Variants in SDK2 observed in about 807,000 individuals in gnomAD.
The protein encoded by SDK2 is protein sidekick-2.
SDK2 carries 105 observed loss-of-function variants against 253.9 expected under a neutral mutation model. That is an observed-to-expected ratio of 0.41 (90% CI 0.35 to 0.49). The LOEUF (loss-of-function observed/expected upper bound fraction) is 0.49, where lower values mean the gene tolerates loss of function less well. Among genes scored for constraint, SDK2 ranks in the 20% least tolerant of loss-of-function variants. The pLI, the probability that SDK2 is intolerant of heterozygous loss-of-function variation, is 0.06. For missense variants in SDK2, 2,608 were observed against 3,003.0 expected (o/e 0.87, Z 3.07); for synonymous variants, 1,249 against 1,234.9 (o/e 1.01, Z -0.24).
At chr17:73,519,949 C>T (rs2064063393) in intron 1 of SDK2, 1 of 152,210 alleles carries the variant, frequency 6.6e-6, no homozygotes, top group Non-Finnish European at 1.5e-5. Context: ...AATTGGAGTT[C>T]AATTTGCCGT....
intron 2 of SDK2, among the ~76,000 whole-genome samples, chr17:73,483,631 GTATATATATA>G (rs1167237578): frequency 5.1e-4 from 40 of 78,830 alleles, no homozygotes; most frequent in Middle Eastern, 6.5e-3. Flanking sequence ...ATATGTATAT[GTATATATATA>G]TGTGTGTGTG....
intron 3 of SDK2, among the ~76,000 whole-genome samples, chr17:73,471,571 C>T (rs1436543988): frequency 6.6e-6 from 1 of 152,128 alleles, no homozygotes; most frequent in Non-Finnish European, 1.5e-5. Flanking sequence ...GAACTCCAGC[C>T]TGGATGACAG....
chr17:73,516,080 A>G (rs1326884821), intron 1 of SDK2, among the ~76,000 whole-genome samples: 3 of 152,204 alleles, frequency 2.0e-5, no homozygotes, highest in Non-Finnish European at 4.4e-5. Context: ...AGAAGCCCGC[A>G]GTCTCTTGAA....
chr17:73,373,794 G>A (rs1283194691), intron 36 of SDK2, among the ~76,000 whole-genome samples: 2 of 152,028 alleles, frequency 1.3e-5, no homozygotes, highest in Non-Finnish European at 2.9e-5. Flanking sequence ...CTGCCGCCAT[G>A]GCCAGCTAAT....
chr17:73,457,280 TTCCTTCC>T, intron 3 of SDK2, among the ~76,000 whole-genome samples: 1 of 36,906 alleles, frequency 2.7e-5, no homozygotes, highest in East Asian at 1.0e-3. Flanking sequence ...CCTTCCTTCC[TTCCTTCC>T]CCCCTCCCTC....
intron 39 of SDK2, among the ~76,000 whole-genome samples, chr17:73,359,731 C>T (rs1213850956): frequency 2.0e-5 from 3 of 152,178 alleles, no homozygotes; most frequent in African/African-American, 4.8e-5. Flanking sequence ...CTGCAGCCTC[C>T]ACCTCCTGGG....
intron 20 of SDK2, among the ~76,000 whole-genome samples, 177 bp downstream of exon 20, chr17:73,401,477 A>G (rs2063025442): frequency 6.6e-6 from 1 of 151,884 alleles, no homozygotes; most frequent in Non-Finnish European, 1.5e-5. Context: ...GGGGCTGCAG[A>G]CTCTGGGATG....
At chr17:73,607,733 C>G (rs1237536798) in intron 1 of SDK2, among the ~76,000 whole-genome samples, 1 of 152,080 alleles carries the variant, frequency 6.6e-6, no homozygotes. Context: ...GGCTGGAAAG[C>G]AACAGAGAGT....
intron 29 of SDK2, among the ~76,000 whole-genome samples, chr17:73,388,750 C>CTCCT (rs1270914728): frequency 1.1e-5 from 1 of 92,140 alleles, no homozygotes; most frequent in Non-Finnish European, 2.7e-5. Flanking sequence ...CCTTCCCTCC[C>CTCCT]TCCTTCCTTC....
chr17:73,438,140 A>G lies in SDK2; in HGVS notation c.740T>C (p.Leu247Pro), dbSNP rs1464137079. The change falls in exon 7 of 45, where the codon CTA becomes CCA. Residue 247 changes from leucine to proline, a missense_variant. Physicochemically the swap from Leu to Pro is moderately conservative, Grantham distance 98 (BLOSUM62 -3). Transcript: ENST00000392650. ...CVANARPLIK[L>P]HIIWKKDGVL... ...CCCGTCCTTCTTCCAAATGATATGT[A>G]GCTTGATCAGGGGCCTGCAGAGGGC... 3 of 1,551,274 alleles carry G rather than the reference A, an allele frequency of 1.9e-6. No individual in the cohort carries two copies. In the African/African-American group the frequency reaches 4.1e-5, roughly 21 times the overall value.
chr17:73,450,324 C>T (rs992280688), intron 4 of SDK2, among the ~76,000 whole-genome samples: 1 of 152,232 alleles, frequency 6.6e-6, no homozygotes, highest in South Asian at 2.1e-4. Flanking sequence ...TTGAAGGATT[C>T]TGATTCCTGT....
intron 1 of SDK2, among the ~76,000 whole-genome samples, chr17:73,565,810 C>CT (rs1407623629): frequency 6.6e-6 from 1 of 151,974 alleles, no homozygotes; most frequent in Non-Finnish European, 1.5e-5. Context: ...GTTGTTTTTT[C>CT]TTTTTTTGGT....
At chr17:73,574,729 C>G (rs1343769263) in intron 1 of SDK2, among the ~76,000 whole-genome samples, 2 of 152,342 alleles carry the variant, frequency 1.3e-5, no homozygotes, top group East Asian at 3.9e-4. Flanking sequence ...TGGCCTTCTC[C>G]ACCTCTCTAG....
rs1052230411 is a variant in SDK2, at chr17:73,437,948, C to A, written c.916+16G>T. On this transcript the variant is annotated intron_variant, in intron 7 of 44. Coordinates refer to ENST00000392650, the MANE Select transcript of SDK2 (RefSeq NM_001144952.2). ...CTACCCCTCAGGGGAGCCCTAGCAG[C>A]CCCACCCTCTCTCACCCAGCACTGA... 6.4e-7 allele frequency: 1 copy of A among 1,555,938 alleles called. No individual in the cohort carries two copies. The highest frequency in any genetic ancestry group is 1.2e-5 in the South Asian group (1 of 85,116).
At chr17:73,442,501 C>T (rs528970257) in intron 5 of SDK2, among the ~76,000 whole-genome samples, 15 of 152,262 alleles carry the variant, frequency 9.9e-5, no homozygotes, top group East Asian at 1.9e-4. Flanking sequence ...CCACCACGTC[C>T]GGCTAATTTT....
intron 9 of SDK2, among the ~76,000 whole-genome samples, chr17:73,434,680 A>T (rs896925085): frequency 2.0e-5 from 3 of 152,138 alleles, no homozygotes; most frequent in Admixed American, 6.5e-5. Flanking sequence ...TCACTCTGTC[A>T]CCCAGGCTGG....
Position 73,430,628 on chromosome 17 carries a change from G to A in SDK2, c.1481-15C>T, listed in dbSNP as rs549573235. On this transcript the variant is annotated splice_polypyrimidine_tract_variant and intron_variant, in intron 11 of 44. Transcript: ENST00000392650. ...GCGGGTCCGAGCTGAAAGATACAGC[G>A]GAGACAGCATGGTGAGAAGAGGTGT... 1.5e-5 allele frequency: 22 copies of A among 1,515,590 alleles called. No individual in the cohort carries two copies. Among genetic ancestry groups the A allele is most frequent in the Middle Eastern group, 3.5e-4 (2 of 5,678 alleles). The allele number at this position is 1,515,590 out of a possible 1,614,324, so 93.9% of individuals were successfully genotyped here. A position where few individuals can be genotyped will look rare whatever the true frequency, so the allele number is the denominator to read the frequency against.
At chr17:73,430,752 A>G (rs1272537824) in intron 11 of SDK2, 139 bp from the exon 12 acceptor site, 2 of 572,008 alleles carry the variant, frequency 3.5e-6, no homozygotes, top group Non-Finnish European at 5.7e-6. Context: ...CTTGGAAGCC[A>G]CGTCATAGTT....
In SDK2 at chr17:73,431,216, T is replaced by G. The variant is rs1243710274; in HGVS notation, c.1480+286A>C. 6.6e-6 allele frequency among the ~76,000 whole-genome samples: 1 copy of G among 152,224 alleles called. No homozygotes were observed. The highest frequency in any genetic ancestry group is 1.5e-5 in the Non-Finnish European group (1 of 68,044). ...GATCTGGCCCTTTCTTGAAAATATT[T>G]GCCGATTTCTGCCCTAAAATATATG... On this transcript the variant is annotated intron_variant, in intron 11 of 44. Transcript: ENST00000392650. This position sits in a 1 kb window ranked among gnomAD's most constrained non-coding sequence, Gnocchi z 5.6.
Sources: allele counts gnomAD v4.1 joint callset (sites outside exome capture counted in the v4.1 genomes callset), GRCh38; gene constraint gnomAD v4.1.1; non-coding constraint Gnocchi (gnomAD v3.1); transcripts MANE v1.5; gene names NCBI Gene and HGNC (gene_info 2026-07-23, HGNC 2026-07-21).